MAST4: variants seen among roughly 807,000 people sequenced by gnomAD.
MAST4 encodes the protein microtubule-associated serine/threonine-protein kinase 4.
In MAST4, 89 loss-of-function variants were observed where a neutral mutation model predicts 162.7. The observed-to-expected ratio is 0.55, with a 90% CI of 0.46 to 0.65. The LOEUF is 0.65. MAST4 is among the 30% of genes least tolerant of loss of function. The pLI is 0.00. For synonymous variants in MAST4, 1,479 were observed against 1,361.1 expected (o/e 1.09, Z -1.91); for missense variants, 3,153 against 3,374.0 (o/e 0.93, Z 1.62).
At chr5:67,130,046 G>A (rs1416974154) in intron 14 of MAST4, among the ~76,000 whole-genome samples, 164 bp from the exon 15 acceptor site, 2 of 152,166 alleles carry the variant, frequency 1.3e-5, no homozygotes, top group Non-Finnish European at 2.9e-5. Flanking sequence ...AGCCAAAGGA[G>A]TTTAGCCTGG....
chr5:66,838,292 G>A (rs1758171475), intron 3 of MAST4, among the ~76,000 whole-genome samples: 1 of 152,056 alleles, frequency 6.6e-6, no homozygotes, highest in Non-Finnish European at 1.5e-5. Flanking sequence ...ACATGTTTGA[G>A]CTCTCAAAAC....
intron 3 of MAST4, among the ~76,000 whole-genome samples, chr5:66,817,625 G>A (rs1321095245): frequency 6.6e-6 from 1 of 152,112 alleles, no homozygotes; most frequent in African/African-American, 2.4e-5. Context: ...ATGCAAATCA[G>A]TTAATATACC....
chr5:66,803,793 T>C (rs919407140), intron 3 of MAST4, among the ~76,000 whole-genome samples: 3 of 152,160 alleles, frequency 2.0e-5, no homozygotes, highest in African/African-American at 7.2e-5. Flanking sequence ...TTCCAATCTT[T>C]GTAGCTATTC....
chr5:66,908,408 C>G (rs929587585), intron 4 of MAST4, among the ~76,000 whole-genome samples: 1 of 152,022 alleles, frequency 6.6e-6, no homozygotes, highest in Non-Finnish European at 1.5e-5. Context: ...CTTGGGAATG[C>G]AAATCAGAAT....
At chr5:66,928,295 A>G (rs1765054562) in intron 4 of MAST4, among the ~76,000 whole-genome samples, 1 of 152,162 alleles carries the variant, frequency 6.6e-6, no homozygotes, top group African/African-American at 2.4e-5. Flanking sequence ...CTCTTTTCTT[A>G]CTGAGTTCTT....
At chr5:66,704,636 T>C (rs2149515540) in intron 1 of MAST4, among the ~76,000 whole-genome samples, 1 of 151,838 alleles carries the variant, frequency 6.6e-6, no homozygotes, top group South Asian at 2.1e-4. Context: ...GAGCAGCTGG[T>C]ACTACAGGCG....
intron 1 of MAST4, among the ~76,000 whole-genome samples, chr5:66,646,092 T>A (rs1354969895): frequency 6.6e-6 from 1 of 152,142 alleles, no homozygotes; most frequent in Non-Finnish European, 1.5e-5. Context: ...ATTGAAACAA[T>A]GAGATATTTT....
At chr5:67,144,167 G>A (rs1043824423) in intron 21 of MAST4, among the ~76,000 whole-genome samples, 5 of 152,106 alleles carry the variant, frequency 3.3e-5, no homozygotes, top group Non-Finnish European at 7.3e-5. Flanking sequence ...AATATGTACT[G>A]CATCCTTGCC....
At chr5:66,709,097 A>T (rs1037775593) in intron 1 of MAST4, among the ~76,000 whole-genome samples, 1 of 152,224 alleles carries the variant, frequency 6.6e-6, no homozygotes, top group Non-Finnish European at 1.5e-5. Flanking sequence ...GCTGTATTAT[A>T]GAAATATTCA....
At chr5:67,114,061 A>G in intron 11 of MAST4, 26 bp from the exon 12 acceptor site, 2 of 1,613,302 alleles carry the variant, frequency 1.2e-6, no homozygotes, top group South Asian at 1.1e-5. Context: ...TCAAAGAAGT[A>G]TCCATCTGTG....
chr5:67,109,472 A>G (rs1009790402), intron 10 of MAST4, among the ~76,000 whole-genome samples: 2 of 152,158 alleles, frequency 1.3e-5, no homozygotes, highest in African/African-American at 4.8e-5. Context: ...CTCATTATGT[A>G]TATGCAAATA....
intron 3 of MAST4, among the ~76,000 whole-genome samples, chr5:66,874,062 C>A (rs959057959): frequency 6.6e-6 from 1 of 152,006 alleles, no homozygotes; most frequent in African/African-American, 2.4e-5. Flanking sequence ...GCTTTTAAAT[C>A]TGTTTTATTA....
At chr5:66,710,390 G>A (rs747246871) in intron 1 of MAST4, among the ~76,000 whole-genome samples, 5 of 152,166 alleles carry the variant, frequency 3.3e-5, no homozygotes, top group Non-Finnish European at 7.3e-5. Flanking sequence ...CAAAAGAGAA[G>A]GGCACTTTAG....
chr5:66,809,494 T>C (rs991174380), intron 3 of MAST4, among the ~76,000 whole-genome samples: 1 of 152,156 alleles, frequency 6.6e-6, no homozygotes, highest in African/African-American at 2.4e-5. Context: ...CGCTGCTGAT[T>C]TGCATTTTCA....
At chr5:66,822,185 C>G (rs1301742059) in intron 3 of MAST4, among the ~76,000 whole-genome samples, 3 of 152,162 alleles carry the variant, frequency 2.0e-5, no homozygotes, top group African/African-American at 7.2e-5. Context: ...TCTAAGTACA[C>G]TGGGGAGGCA....
intron 4 of MAST4, among the ~76,000 whole-genome samples, chr5:67,028,087 C>A (rs1754879832): frequency 6.6e-6 from 1 of 152,048 alleles, no homozygotes; most frequent in African/African-American, 2.4e-5. Context: ...TTTACAGTAT[C>A]ATGTGTGAGT....
Position 66,797,616 on chromosome 5 carries a change from C to A in MAST4, c.642+8822C>A, listed in dbSNP as rs567686442. 6.6e-5 allele frequency among the ~76,000 whole-genome samples: 10 copies of A among 152,270 alleles called. No homozygotes were observed. The South Asian group carries it at 1.0e-3, about 16-fold the overall frequency. ...AGCCTATAAACTAGTTGCAAGAAGA[C>A]TTTTGGGAAATCCAAGATCAAGGTG... On this transcript the variant is annotated intron_variant, in intron 3 of 28. Transcript: ENST00000403625.
chr5:66,957,098 G>T (rs1745406526), intron 4 of MAST4, among the ~76,000 whole-genome samples: 1 of 152,158 alleles, frequency 6.6e-6, no homozygotes, highest in Admixed American at 6.5e-5. Flanking sequence ...TGGAACTGAA[G>T]TTTACTTCAG....
At chr5:66,968,975 G>A (rs371163648) in intron 4 of MAST4, among the ~76,000 whole-genome samples, 27 of 152,304 alleles carry the variant, frequency 1.8e-4, no homozygotes, top group African/African-American at 6.3e-4. Context: ...AAGTTCTGGA[G>A]GGCAAGACCT....
Sources: gnomAD v4.1 joint callset for allele counts (sites outside exome capture counted in the v4.1 genomes callset) on GRCh38, gnomAD v4.1.1 for gene constraint, MANE v1.5 for transcripts, NCBI Gene and HGNC (gene_info 2026-07-23, HGNC 2026-07-21) for gene names.